DIS3L2: variants seen among roughly 807,000 people sequenced by gnomAD.
The protein encoded by DIS3L2 is DIS3-like exonuclease 2.
A neutral mutation model predicts 97.5 loss-of-function variants in DIS3L2; 34 were observed. That is an observed-to-expected ratio of 0.35 (90% CI 0.27 to 0.46). The LOEUF (loss-of-function observed/expected upper bound fraction) is 0.46, where lower values mean the gene tolerates loss of function less well. Among genes scored for constraint, DIS3L2 ranks in the 20% least tolerant of loss-of-function variants. The pLI is 1.00. For missense variants in DIS3L2, 1,038 were observed against 1,146.0 expected (o/e 0.91, Z 1.36); for synonymous variants, 435 against 445.2 (o/e 0.98, Z 0.29).
intron 14 of DIS3L2, among the ~76,000 whole-genome samples, chr2:232,319,149 GCACA>G (rs1161413776): frequency 6.6e-6 from 1 of 152,110 alleles, no homozygotes; most frequent in Non-Finnish European, 1.5e-5. Flanking sequence ...TGTGTGGTTG[GCACA>G]CAAGACACTG....
intron 6 of DIS3L2, among the ~76,000 whole-genome samples, chr2:232,099,945 ATCT>A (rs879609321): frequency 3.3e-5 from 5 of 152,126 alleles, no homozygotes; most frequent in African/African-American, 1.2e-4. Flanking sequence ...AATTATTTGA[ATCT>A]TCTTTTTTCT....
chr2:232,290,073 GT>G (rs987364432), intron 13 of DIS3L2, among the ~76,000 whole-genome samples: 6 of 152,238 alleles, frequency 3.9e-5, no homozygotes, highest in African/African-American at 1.4e-4. Flanking sequence ...TTCGACAGTA[GT>G]TGGCCTGAGG....
intron 1 of DIS3L2, among the ~76,000 whole-genome samples, chr2:231,985,937 C>T (rs1320720759): frequency 2.0e-5 from 3 of 152,170 alleles, no homozygotes; most frequent in Non-Finnish European, 4.4e-5. Flanking sequence ...TCTGTGTGGG[C>T]GGACACCATC....
chr2:231,993,144 G>T (rs1191569310), intron 1 of DIS3L2, among the ~76,000 whole-genome samples: 1 of 152,156 alleles, frequency 6.6e-6, no homozygotes, highest in African/African-American at 2.4e-5. Context: ...CTTGGCTGAT[G>T]ATCTCTACCC....
At chr2:232,208,588 TTTTGAGAGTGGC>T (rs1270444820) in intron 9 of DIS3L2, among the ~76,000 whole-genome samples, 2 of 152,192 alleles carry the variant, frequency 1.3e-5, no homozygotes, top group African/African-American at 4.8e-5. Context: ...TTTGTTTTCT[TTTTGAGAGTGGC>T]TCTTTTCACT....
At position 232,070,197 on chromosome 2, in the gene DIS3L2, C is replaced by T. The variant is rs374038343; in HGVS notation, c.367-17290C>T. ...TCTGTTAGAAATTCTTTCGTAGGGG[C>T]GGAGGTTGCAGTGAGCCAAGATCGT... On this transcript the variant is annotated intron_variant, in intron 5 of 20. Coordinates refer to ENST00000325385, the MANE Select transcript of DIS3L2 (RefSeq NM_152383.5). Among the ~76,000 whole-genome samples the T allele has an allele frequency of 5.1e-4, 78 of 152,248 alleles. 3 individuals carry two copies. In the East Asian group the frequency reaches 0.014, roughly 27 times the overall value.
At chr2:232,329,785 T>TGCCGGGGGGGA in intron 14 of DIS3L2, 28 bp from the exon 15 acceptor site, 1 of 967,144 alleles carries the variant, frequency 1.0e-6, no homozygotes, top group Non-Finnish European at 1.5e-6. Context: ...ACCCCAGCGG[T>TGCCGGGGGGGA]CCCTCCCATC....
chr2:232,065,486 T>TA (rs1343993179), intron 5 of DIS3L2, among the ~76,000 whole-genome samples: 1 of 152,104 alleles, frequency 6.6e-6, no homozygotes, highest in Non-Finnish European at 1.5e-5. Flanking sequence ...CCTATTGAAT[T>TA]ACCATGACAT....
chr2:232,111,800 T>C (rs1697542188), intron 6 of DIS3L2, among the ~76,000 whole-genome samples: 1 of 152,144 alleles, frequency 6.6e-6, no homozygotes, highest in South Asian at 2.1e-4. Context: ...AGTTTCCTGA[T>C]GGATATGAAC....
At chr2:232,205,289 T>C (rs1417324290) in intron 9 of DIS3L2, among the ~76,000 whole-genome samples, 2 of 151,286 alleles carry the variant, frequency 1.3e-5, no homozygotes, top group African/African-American at 4.9e-5. Flanking sequence ...AGGGTCTTGC[T>C]CTATCACCCA....
chr2:232,168,225 T>G (rs1168881953), intron 9 of DIS3L2, among the ~76,000 whole-genome samples: 1 of 152,210 alleles, frequency 6.6e-6, no homozygotes, highest in Non-Finnish European at 1.5e-5. Context: ...GTTATTTTGT[T>G]TTCAAAATGC....
At chr2:232,046,325 T>C (rs1038984625) in intron 5 of DIS3L2, among the ~76,000 whole-genome samples, 4 of 152,156 alleles carry the variant, frequency 2.6e-5, no homozygotes, top group Admixed American at 6.5e-5. Flanking sequence ...CAAAGTGTGG[T>C]CCATGTACTA....
At chr2:232,332,750 C>T (rs997528074) in intron 16 of DIS3L2, among the ~76,000 whole-genome samples, 18 of 152,190 alleles carry the variant, frequency 1.2e-4, no homozygotes, top group Non-Finnish European at 2.2e-4. Context: ...GCTGGCAGGC[C>T]GGAAACTGCC....
At chr2:232,335,898 C>T in intron 20 of DIS3L2, 24 bp downstream of exon 20, 1 of 1,549,844 alleles carries the variant, frequency 6.5e-7, no homozygotes. Flanking sequence ...TGTGTCCCAG[C>T]CCCCTAAGTC....
intron 10 of DIS3L2, among the ~76,000 whole-genome samples, chr2:232,237,689 CG>C (rs1692970263): frequency 5.4e-5 from 1 of 18,378 alleles, no homozygotes; most frequent in African/African-American, 2.3e-4. Flanking sequence ...TGGTTGGGGG[CG>C]GGGTGGTGGG....
At chr2:232,084,899 T>TTAATA (rs10679514) in intron 5 of DIS3L2, among the ~76,000 whole-genome samples, 120,440 of 151,440 alleles carry the variant, frequency 0.8, 48,538 homozygotes, top group African/African-American at 0.91. Context: ...ATTCTGATCG[T>TTAATA]TCTTTGTAAT....
At chr2:232,167,409 G>T (rs910100660) in intron 9 of DIS3L2, among the ~76,000 whole-genome samples, 1 of 152,080 alleles carries the variant, frequency 6.6e-6, no homozygotes, top group Non-Finnish European at 1.5e-5. Flanking sequence ...AAGCAGTATG[G>T]TTGAATAATA....
At chr2:232,133,856 C>G (rs1047796067) in intron 7 of DIS3L2, among the ~76,000 whole-genome samples, 1 of 151,714 alleles carries the variant, frequency 6.6e-6, no homozygotes. Flanking sequence ...GGCGTGGTGG[C>G]ACATACCTGT....
rs1156511262 is a variant in DIS3L2, at chr2:232,088,608, A to T, written c.601+887A>T. Among the ~76,000 whole-genome samples, 3 of 151,848 alleles carry T rather than the reference A, an allele frequency of 2.0e-5. No homozygotes were observed. The East Asian group carries it at 5.8e-4, about 29-fold the overall frequency. On this transcript the variant is annotated intron_variant, in intron 6 of 20. Coordinates refer to ENST00000325385, the MANE Select transcript of DIS3L2 (RefSeq NM_152383.5). ...TTGTCATTTCTGGTGGGCATGGATC[A>T]CCCAAAATTTTATAAACAAATAGCC...
Sources: allele counts gnomAD v4.1 joint callset (sites outside exome capture counted in the v4.1 genomes callset), GRCh38; gene constraint gnomAD v4.1.1; transcripts MANE v1.5; gene names NCBI Gene and HGNC (gene_info 2026-07-23, HGNC 2026-07-21).